MCTP1: variants seen among roughly 807,000 people sequenced by gnomAD.
MCTP1 encodes the protein multiple C2 and transmembrane domain containing 1.
A neutral mutation model predicts 120.6 loss-of-function variants in MCTP1; 69 were observed. That is an observed-to-expected ratio of 0.57 (90% confidence interval 0.47 to 0.70). The LOEUF is 0.70. MCTP1 is among the 30% of genes least tolerant of loss of function. The pLI is 0.00. For synonymous variants in MCTP1, 529 were observed against 493.1 expected, an observed-to-expected ratio of 1.07 and a Z score of -0.96; for missense variants, 1,203 against 1,248.8, an observed-to-expected ratio of 0.96 and a Z score of 0.55.
At chr5:95,060,536 T>C (rs1332424772) in intron 1 of MCTP1, among the ~76,000 whole-genome samples, 3 of 152,216 alleles carry the variant, frequency 2.0e-5, no homozygotes, top group East Asian at 3.8e-4. Flanking sequence ...CTTTTGCAGA[T>C]ATACCAAAGA....
intron 19 of MCTP1, among the ~76,000 whole-genome samples, chr5:94,746,960 T>C (rs1283966931): frequency 6.6e-6 from 1 of 152,212 alleles, no homozygotes; most frequent in African/African-American, 2.4e-5. Context: ...TGAATACCTT[T>C]AAGTTCCTCT....
rs70978130 is a variant in MCTP1, at chr5:94,774,207, CAAAAAAAAAAAAAAAAAAAAAAAAAAAA to C, written c.2610+4875_2610+4902del. The stretch of plus-strand genomic sequence containing the variant: ...TGGGCGACAGAGCAAGACTCCGTCT[CAAAAAAAAAAAAAAAAAAAAAAAAAAAA>C]AAAAAAAAAAAAAAGAAATAGGTGG... On this transcript the variant is annotated intron_variant, in intron 19 of 22. Coordinates refer to ENST00000515393, the MANE Select transcript of MCTP1 (RefSeq NM_024717.7). Among the ~76,000 whole-genome samples the C allele has an allele frequency of 1.4e-3, 6 of 4,182 alleles. 3 individuals carry two copies. Among genetic ancestry groups the C allele is most frequent in the Non-Finnish European group, 2.0e-3 (6 of 2,956 alleles). 2.7% of individuals were successfully genotyped at this position (4,182 alleles called of 152,430 possible).
intron 1 of MCTP1, among the ~76,000 whole-genome samples, chr5:95,047,045 T>C (rs905422691): frequency 1.3e-5 from 2 of 152,200 alleles, no homozygotes; most frequent in African/African-American, 4.8e-5. Flanking sequence ...ATGTCTGACA[T>C]GGTGAGCACT....
At chr5:94,961,402 G>C (rs1429364142) in intron 2 of MCTP1, among the ~76,000 whole-genome samples, 1 of 151,874 alleles carries the variant, frequency 6.6e-6, no homozygotes, top group Admixed American at 6.6e-5. Context: ...GTATCCCAGA[G>C]CTTAAAGTAT....
chr5:94,770,037 T>G (rs1023623896), intron 19 of MCTP1, among the ~76,000 whole-genome samples: 7 of 152,232 alleles, frequency 4.6e-5, no homozygotes, highest in Non-Finnish European at 8.8e-5. Context: ...GAATTTCTTT[T>G]AGAATCTGCA....
chr5:95,031,368 CTTAA>C (rs1456982611), intron 1 of MCTP1, among the ~76,000 whole-genome samples: 1 of 151,662 alleles, frequency 6.6e-6, no homozygotes, highest in African/African-American at 2.4e-5. Context: ...AAAAAAAAAT[CTTAA>C]AGGAAGATAG....
chr5:95,069,924 T>G (rs1751708983), intron 1 of MCTP1, among the ~76,000 whole-genome samples: 1 of 151,956 alleles, frequency 6.6e-6, no homozygotes, highest in African/African-American at 2.4e-5. Flanking sequence ...AGGATGGTCT[T>G]GATCTCCTGA....
At chr5:95,177,302 C>G (rs947909060) in intron 1 of MCTP1, among the ~76,000 whole-genome samples, 2 of 151,968 alleles carry the variant, frequency 1.3e-5, no homozygotes, top group African/African-American at 4.8e-5. Flanking sequence ...AGGGAAGACT[C>G]CAAAGGCAAT....
intron 3 of MCTP1, among the ~76,000 whole-genome samples, chr5:94,946,206 C>T (rs1818876732): frequency 1.3e-5 from 2 of 152,162 alleles, no homozygotes; most frequent in Admixed American, 6.6e-5. Flanking sequence ...AATAGCTGCC[C>T]CAGGATGCTA....
At chr5:95,126,989 G>A (rs1582309072) in intron 1 of MCTP1, among the ~76,000 whole-genome samples, 1 of 152,062 alleles carries the variant, frequency 6.6e-6, no homozygotes, top group Admixed American at 6.5e-5. Flanking sequence ...TGAGCTCTCC[G>A]TGTTACTGAA....
At chr5:94,911,504 G>T (rs950280446) in intron 9 of MCTP1, among the ~76,000 whole-genome samples, 2 of 152,096 alleles carry the variant, frequency 1.3e-5, no homozygotes, top group Non-Finnish European at 2.9e-5. Flanking sequence ...AAAAGTGTGT[G>T]GCACTTCCCT....
chr5:95,247,424 C>A (rs932173339), intron 1 of MCTP1, among the ~76,000 whole-genome samples: 1 of 151,988 alleles, frequency 6.6e-6, no homozygotes, highest in Admixed American at 6.6e-5. Context: ...TTATTCCTTG[C>A]TTCTGCTAGC....
intron 10 of MCTP1, among the ~76,000 whole-genome samples, chr5:94,898,594 A>T (rs192514502): frequency 4.5e-4 from 68 of 152,308 alleles, no homozygotes; most frequent in Admixed American, 3.5e-3. Context: ...GAACAAAGGG[A>T]GGTTTCACTA....
At chr5:94,711,076 C>A in intron 20 of MCTP1, 149 bp from the exon 21 acceptor site, 1 of 646,406 alleles carries the variant, frequency 1.5e-6, no homozygotes. Context: ...AGGACGCAGG[C>A]TAGCCATAAT....
At chr5:94,759,169 A>T (rs1008603402) in intron 19 of MCTP1, among the ~76,000 whole-genome samples, 1 of 152,242 alleles carries the variant, frequency 6.6e-6, no homozygotes, top group Admixed American at 6.5e-5. Context: ...AATTATCACC[A>T]GATCTCTACA....
chr5:95,103,743 G>A (rs1756904570), intron 1 of MCTP1, among the ~76,000 whole-genome samples: 3 of 152,096 alleles, frequency 2.0e-5, no homozygotes, highest in Admixed American at 1.3e-4. Context: ...TAAAATCCAG[G>A]TGCTCTCAAA....
At chr5:94,956,823 GA>G in intron 2 of MCTP1, among the ~76,000 whole-genome samples, 1 of 152,264 alleles carries the variant, frequency 6.6e-6, no homozygotes, top group Middle Eastern at 3.4e-3. Context: ...GGGGAGAATG[GA>G]ACCAAGTTGA....
chr5:94,933,842 G>A (rs2153485430), intron 5 of MCTP1, among the ~76,000 whole-genome samples: 1 of 151,812 alleles, frequency 6.6e-6, no homozygotes, highest in African/African-American at 2.4e-5. Context: ...ACAAAACATA[G>A]GACCAGTATT....
chr5:94,914,699 C>A (rs1809612024), intron 8 of MCTP1, among the ~76,000 whole-genome samples: 1 of 152,176 alleles, frequency 6.6e-6, no homozygotes, highest in Non-Finnish European at 1.5e-5. Flanking sequence ...ATTCATGGAG[C>A]ACCTGCAAGT....
Sources: allele counts gnomAD v4.1 joint callset (sites outside exome capture counted in the v4.1 genomes callset), GRCh38; gene constraint gnomAD v4.1.1; transcripts MANE v1.5; gene names NCBI Gene and HGNC (gene_info 2026-07-23, HGNC 2026-07-21).